SNRPN: variants seen among roughly 807,000 people sequenced by gnomAD.
SNRPN encodes the protein small nuclear ribonucleoprotein-associated protein N.
A neutral mutation model predicts 25.2 loss-of-function variants in SNRPN; 7 were observed. The ratio of observed to expected loss-of-function variants is 0.28; its 90% CI spans 0.16 to 0.52. The LOEUF is 0.52. Among genes scored for constraint, SNRPN ranks in the 20% least tolerant of loss-of-function variants. The pLI, the probability that SNRPN is intolerant of heterozygous loss-of-function variation, is 0.96. For synonymous variants in SNRPN, 124 were observed against 110.6 expected, an observed-to-expected ratio of 1.12 and a Z score of -0.76; for missense variants, 196 against 322.5, an observed-to-expected ratio of 0.61 and a Z score of 3.00.
intron 1 of SNRPN, among the ~76,000 whole-genome samples, chr15:24,863,426 T>C (rs548842840): frequency 6.7e-6 from 1 of 149,862 alleles, no homozygotes; most frequent in African/African-American, 2.5e-5. Context: ...TGTGCAGCCT[T>C]GTAGGCCACT....
intron 2 of SNRPN, among the ~76,000 whole-genome samples, chr15:24,832,389 C>G (rs776838733): frequency 2.0e-5 from 3 of 152,056 alleles, no homozygotes; most frequent in Non-Finnish European, 2.9e-5. Context: ...GTGAGGCCAG[C>G]TGGACTTCCT....
chr15:24,890,932 A>T (rs1259989816), intron 2 of SNRPN, among the ~76,000 whole-genome samples: 1 of 151,956 alleles, frequency 6.6e-6, no homozygotes, highest in Non-Finnish European at 1.5e-5. Flanking sequence ...TATTTTTTTG[A>T]TAGAGTCTCG....
chr15:24,874,183 G>A (rs571460310), intron 1 of SNRPN, among the ~76,000 whole-genome samples: 36 of 151,710 alleles, frequency 2.4e-4, no homozygotes, highest in Admixed American at 3.3e-4. Context: ...GGTGGCAGGC[G>A]CCTGTAGTCC....
intron 1 of SNRPN, among the ~76,000 whole-genome samples, chr15:24,858,256 T>C (rs1039073048): frequency 2.6e-5 from 4 of 152,126 alleles, no homozygotes; most frequent in African/African-American, 9.7e-5. Context: ...CTGTCTTCAT[T>C]TAAAAGCTAA....
chr15:24,837,190 G>A (rs911223296), intron 2 of SNRPN, among the ~76,000 whole-genome samples: 4 of 151,916 alleles, frequency 2.6e-5, no homozygotes, highest in African/African-American at 9.7e-5. Flanking sequence ...ATGTCCAAAG[G>A]TAACTCTGGC....
chr15:24,880,542 C>G (rs1387797328), intron 1 of SNRPN, among the ~76,000 whole-genome samples: 1 of 152,088 alleles, frequency 6.6e-6, no homozygotes, highest in Admixed American at 6.6e-5. Flanking sequence ...AACAGCTGTT[C>G]CATACATTTT....
chr15:24,887,087 G>A (rs898571616), intron 2 of SNRPN, among the ~76,000 whole-genome samples: 1 of 149,516 alleles, frequency 6.7e-6, no homozygotes, highest in Non-Finnish European at 1.5e-5. Context: ...CTTCTCCTTT[G>A]TTCTCTGTAT....
rs548483676 is a variant in SNRPN at position 24,961,159 on chromosome 15, A to T, written c.-390-955A>T. On this transcript the variant is annotated intron_variant, in intron 1 of 9. Transcript: ENST00000390687. ...ATAGACCATTGTGTAATCAAAAGTA[A>T]TAAACATTATCAGTGTATAAAATTT... 4.4e-3 allele frequency among the ~76,000 whole-genome samples: 673 copies of T among 152,336 alleles called. 2 individuals carry two copies. Among genetic ancestry groups the T allele is most frequent in the African/African-American group, 0.016 (652 of 41,574 alleles).
At chr15:24,934,884 G>C (rs139680901) in intron 3 of SNRPN, among the ~76,000 whole-genome samples, 1 of 152,280 alleles carries the variant, frequency 6.6e-6, no homozygotes, top group East Asian at 1.9e-4. Context: ...GCCAGATGGG[G>C]GCAGGTACTC....
intron 2 of SNRPN, among the ~76,000 whole-genome samples, chr15:24,913,879 G>A (rs1428266000): frequency 3.9e-5 from 6 of 152,318 alleles, no homozygotes; most frequent in Non-Finnish European, 7.4e-5. Flanking sequence ...ATCTTCAGCA[G>A]AGAACCGTAC....
At chr15:24,975,261 C>A in intron 4 of SNRPN, 97 bp from the exon 5 acceptor site, 2 of 938,544 alleles carry the variant, frequency 2.1e-6, no homozygotes, top group South Asian at 1.6e-5. Context: ...TTAAGGAAAC[C>A]AGGCTTAGAT....
intron 2 of SNRPN, among the ~76,000 whole-genome samples, chr15:24,895,969 T>C (rs1276262498): frequency 1.3e-5 from 2 of 152,210 alleles, no homozygotes; most frequent in African/African-American, 4.8e-5. Context: ...GTTATTCCCA[T>C]GTAAGACCTT....
At chr15:24,866,931 C>T (rs986720914) in intron 1 of SNRPN, among the ~76,000 whole-genome samples, 13 of 151,974 alleles carry the variant, frequency 8.6e-5, no homozygotes, top group African/African-American at 2.4e-4. Context: ...TATCTGTCAA[C>T]GGACACATAG....
intron 2 of SNRPN, among the ~76,000 whole-genome samples, chr15:24,889,263 A>T (rs1275469088): frequency 1.3e-5 from 2 of 151,756 alleles, no homozygotes; most frequent in Non-Finnish European, 2.9e-5. Context: ...GATTTATTTT[A>T]AAATATAATG....
upstream of SNRPN, chr15:24,954,881 C>T: frequency 3.2e-6 from 3 of 940,320 alleles, no homozygotes; most frequent in Non-Finnish European, 3.2e-6. Flanking sequence ...GCTGGGACCC[C>T]TGCACTGCGG....
At chr15:24,841,691 C>A (rs1264861557) in intron 2 of SNRPN, among the ~76,000 whole-genome samples, 1 of 152,302 alleles carries the variant, frequency 6.6e-6, no homozygotes, top group African/African-American at 2.4e-5. Context: ...CTTTATCAAA[C>A]ACTCACAATA....
intron 1 of SNRPN, among the ~76,000 whole-genome samples, chr15:24,868,253 C>G (rs544808508): frequency 6.6e-6 from 1 of 152,238 alleles, no homozygotes; most frequent in African/African-American, 2.4e-5. Context: ...GCAACTCACA[C>G]TACTTGTGAA....
intron 8 of SNRPN, 137 bp downstream of exon 8, chr15:24,978,053 A>G (rs1167319041): frequency 8.4e-6 from 10 of 1,188,432 alleles, no homozygotes; most frequent in African/African-American, 1.5e-5. Flanking sequence ...AATGAAAGAC[A>G]TAGAAGAGTA....
chr15:24,856,480 C>G (rs1431586293), upstream of SNRPN: 2 of 152,270 alleles, frequency 1.3e-5, no homozygotes, highest in Non-Finnish European at 2.9e-5. Context: ...CTTGCGCAAG[C>G]GCAGTTGTAC....
Sources: gnomAD v4.1 joint callset for allele counts (sites outside exome capture counted in the v4.1 genomes callset) on GRCh38, gnomAD v4.1.1 for gene constraint, MANE v1.5 for transcripts, NCBI Gene and HGNC (gene_info 2026-07-23, HGNC 2026-07-21) for gene names.